EXOC4: variants seen among roughly 807,000 people sequenced by gnomAD.
EXOC4 encodes SEC8-like 1.
A neutral mutation model predicts 107.2 loss-of-function variants in EXOC4; 71 were observed. The ratio of observed to expected loss-of-function variants is 0.66; its 90% CI spans 0.55 to 0.81. The LOEUF (loss-of-function observed/expected upper bound fraction) is 0.81. Ranked by LOEUF, EXOC4 falls within the 30% of genes least tolerant of loss-of-function variation. EXOC4 has a pLI of 0.00. For synonymous variants in EXOC4, 456 were observed against 441.2 expected (o/e 1.03, Z -0.42); for missense variants, 1,108 against 1,189.6 (o/e 0.93, Z 1.01).
intron 4 of EXOC4, among the ~76,000 whole-genome samples, chr7:133,309,563 A>G (rs960372386): frequency 3.9e-5 from 6 of 152,202 alleles, no homozygotes; most frequent in Non-Finnish European, 8.8e-5. Context: ...ACATACCATT[A>G]AATAGGTACA....
intron 10 of EXOC4, among the ~76,000 whole-genome samples, chr7:133,737,035 A>G (rs1441653460): frequency 1.3e-5 from 2 of 152,226 alleles, no homozygotes; most frequent in Admixed American, 6.5e-5. Flanking sequence ...AACAGTTATT[A>G]TCTAAAACCT....
chr7:133,758,150 T>G (rs770782701), intron 10 of EXOC4, among the ~76,000 whole-genome samples: 6 of 152,132 alleles, frequency 3.9e-5, no homozygotes, highest in Non-Finnish European at 2.9e-5. Context: ...TTTATTTATT[T>G]TATTTTTGTT....
chr7:134,001,422 A>T (rs911746264), intron 15 of EXOC4, among the ~76,000 whole-genome samples: 2 of 152,120 alleles, frequency 1.3e-5, no homozygotes, highest in African/African-American at 2.4e-5. Context: ...ATTTAAATTT[A>T]AAAAAATACT....
At chr7:133,398,890 C>T (rs139908756) in intron 7 of EXOC4, among the ~76,000 whole-genome samples, 184 of 152,228 alleles carry the variant, frequency 1.2e-3, no homozygotes, top group African/African-American at 4.1e-3. Context: ...GAATGTAAAG[C>T]GATGTTTAAG....
intron 5 of EXOC4, among the ~76,000 whole-genome samples, chr7:133,355,593 C>A (rs1419049611): frequency 3.9e-5 from 6 of 152,028 alleles, no homozygotes; most frequent in Non-Finnish European, 8.8e-5. Flanking sequence ...TTATTTCTTC[C>A]ATTTCAGTGC....
At chr7:133,983,229 A>G (rs916508283) in intron 14 of EXOC4, among the ~76,000 whole-genome samples, 1 of 152,138 alleles carries the variant, frequency 6.6e-6, no homozygotes, top group Non-Finnish European at 1.5e-5. Context: ...ATCCTCCCCC[A>G]TGACCCAAAC....
chr7:133,739,525 A>G (rs1020299173), intron 10 of EXOC4, among the ~76,000 whole-genome samples: 1 of 152,188 alleles, frequency 6.6e-6, no homozygotes, highest in Non-Finnish European at 1.5e-5. Context: ...ATGGAGCTAG[A>G]GAAACACTTG....
rs1183738705 is a variant in EXOC4, at chr7:133,937,946, A to G, written c.2083A>G (p.Ile695Val). 2 of 1,614,140 alleles carry G rather than the reference A, an allele frequency of 1.2e-6. No homozygotes were observed. Among genetic ancestry groups the G allele is most frequent in the South Asian group, 1.1e-5 (1 of 91,082 alleles). The part of the protein sequence containing the change: ...VLIGNLGDKL[I>V]PPQDILRDVS... ...TATTGGGAACCTGGGTGATAAATTA[A>G]TCCCTCCACAAGACATCCTTCGTGA... Residue 695 changes from isoleucine to valine, a missense_variant, in exon 14 of 18, where the codon ATC becomes GTC. Transcript: ENST00000253861.
At chr7:133,810,917 G>T (rs1797212000) in intron 10 of EXOC4, among the ~76,000 whole-genome samples, 1 of 152,080 alleles carries the variant, frequency 6.6e-6, no homozygotes, top group Non-Finnish European at 1.5e-5. Context: ...ACAGGTATGA[G>T]CTACCGCGCC....
chr7:133,803,587 G>A (rs2151198342), intron 10 of EXOC4, among the ~76,000 whole-genome samples: 1 of 152,182 alleles, frequency 6.6e-6, no homozygotes, highest in Non-Finnish European at 1.5e-5. Context: ...ACAGAGTCTA[G>A]TTTTTCTTAG....
intron 14 of EXOC4, among the ~76,000 whole-genome samples, chr7:133,984,056 T>C (rs752343537): frequency 6.6e-6 from 1 of 152,248 alleles, no homozygotes; most frequent in Non-Finnish European, 1.5e-5. Flanking sequence ...AAGTCTGTAC[T>C]ATCAATCACA....
At chr7:133,278,395 T>A (rs987662311) in intron 2 of EXOC4, among the ~76,000 whole-genome samples, 4 of 152,064 alleles carry the variant, frequency 2.6e-5, no homozygotes, top group Non-Finnish European at 5.9e-5. Flanking sequence ...TGGTAAGAAG[T>A]GCTACACACA....
chr7:134,053,850 G>A lies in EXOC4; in HGVS notation c.2688-10441G>A, dbSNP rs574198750. On this transcript the variant is annotated intron_variant, in intron 17 of 17. Transcript: ENST00000253861. ...CTGATTTTCTTTCAGTTGGCTTACA[G>A]TATAAAGCAAAAGAAGAACTATGAA... Among the ~76,000 whole-genome samples, 19 of 152,186 alleles carry A rather than the reference G, an allele frequency of 1.2e-4. 1 individual carries two copies. In the South Asian group the frequency reaches 2.9e-3, roughly 23 times the overall value.
At chr7:133,923,686 C>A (rs1247719634) in intron 13 of EXOC4, among the ~76,000 whole-genome samples, 1 of 152,160 alleles carries the variant, frequency 6.6e-6, no homozygotes, top group East Asian at 1.9e-4. Flanking sequence ...ACCAACAGAT[C>A]TTCTCCCACT....
chr7:133,599,054 A>T (rs1311367784), intron 9 of EXOC4, among the ~76,000 whole-genome samples: 1 of 152,330 alleles, frequency 6.6e-6, no homozygotes, highest in Non-Finnish European at 1.5e-5. Flanking sequence ...AGACTTTAGT[A>T]TGAATAAAAT....
intron 10 of EXOC4, among the ~76,000 whole-genome samples, chr7:133,737,416 C>G (rs866813203): frequency 6.7e-6 from 1 of 149,852 alleles, no homozygotes; most frequent in Non-Finnish European, 1.5e-5. Context: ...TTGGACATTT[C>G]TTTTCTAGTA....
At chr7:133,992,094 C>T (rs1303125331) in intron 14 of EXOC4, among the ~76,000 whole-genome samples, 1 of 152,036 alleles carries the variant, frequency 6.6e-6, no homozygotes, top group East Asian at 1.9e-4. Flanking sequence ...CAGGAGTGTG[C>T]ATATCTTTCC....
Position 133,413,987 on chromosome 7 carries a change from C to T in EXOC4, c.1182+38985C>T, listed in dbSNP as rs991660894. 2.0e-5 allele frequency among the ~76,000 whole-genome samples: 3 copies of T among 152,130 alleles called. No homozygotes were observed. The East Asian group carries it at 5.8e-4, about 29-fold the overall frequency. On this transcript the variant is annotated intron_variant, in intron 7 of 17. Transcript: ENST00000253861. ...CCTAAAAGACTGACTTAAAAAAATA[C>T]ATTAACTTAAAAATCTTAAATATAA...
At chr7:133,504,009 A>G (rs1799623397) in intron 9 of EXOC4, among the ~76,000 whole-genome samples, 1 of 152,086 alleles carries the variant, frequency 6.6e-6, no homozygotes, top group Non-Finnish European at 1.5e-5. Context: ...ATATATGTAT[A>G]CATACACACA....
Sources: gnomAD v4.1 joint callset for allele counts (sites outside exome capture counted in the v4.1 genomes callset) on GRCh38, gnomAD v4.1.1 for gene constraint, MANE v1.5 for transcripts, NCBI Gene and HGNC (gene_info 2026-07-23, HGNC 2026-07-21) for gene names.